The following PCDHGB1 variants were observed in gnomAD, a reference collection of about 807,000 sequenced individuals.
The protein encoded by PCDHGB1 is protocadherin gamma-B1.
PCDHGB1 carries 34 observed loss-of-function variants against 56.6 expected under a neutral mutation model. That is an observed-to-expected ratio of 0.60 (90% CI 0.46 to 0.80). The LOEUF is 0.80. PCDHGB1 is among the 30% of genes least tolerant of loss of function. The pLI is 0.00. For synonymous variants in PCDHGB1, 561 were observed against 505.9 expected, an observed-to-expected ratio of 1.11 and a Z score of -1.46; for missense variants, 1,278 against 1,204.6, an observed-to-expected ratio of 1.06 and a Z score of -0.90.
intron 1 of PCDHGB1, chr5:141,400,586 A>G (rs963844263): frequency 6.2e-7 from 1 of 1,607,730 alleles, no homozygotes; most frequent in Non-Finnish European, 8.5e-7. Context: ...TTTACATGAA[A>G]CTATCGTACA....
rs563283218 is a variant in PCDHGB1, at chr5:141,431,573, G to A, written c.2410-63234G>A. On this transcript the variant is annotated intron_variant, in intron 1 of 3. Coordinates refer to ENST00000523390, the MANE Select transcript of PCDHGB1 (RefSeq NM_018922.3). This position sits in a 1 kb window ranked among gnomAD's most constrained non-coding sequence, Gnocchi z 4.8. ...AGTCAACGCTACCGACCCTGACGAA[G>A]GAGTCAATGCGGAAGTGAGGTATTC... 5.6e-6 allele frequency: 9 copies of A among 1,614,186 alleles called. No homozygotes were observed. The South Asian group carries it at 8.8e-5, about 16-fold the overall frequency.
At chr5:141,379,475 T>C (rs192049867) in intron 1 of PCDHGB1, 35 of 152,390 alleles carry the variant, frequency 2.3e-4, no homozygotes, top group African/African-American at 8.2e-4. Flanking sequence ...GTGTGAATGT[T>C]ATTTTACTAT....
Position 141,477,102 on chromosome 5 carries a change from C to T in PCDHGB1, c.2410-17705C>T. 2.5e-6 allele frequency: 4 copies of T among 1,614,232 alleles called. No homozygotes were observed. The South Asian group carries it at 4.4e-5, about 18-fold the overall frequency. On this transcript the variant is annotated intron_variant, in intron 1 of 3. Coordinates refer to ENST00000523390, the MANE Select transcript of PCDHGB1 (RefSeq NM_018922.3). This position sits in a 1 kb window ranked among gnomAD's most constrained non-coding sequence, Gnocchi z 4.9. Reference sequence around the variant, plus strand: ...TACATCCAGGCCAAAGACAAGGGCGCCAATCCCGAAGGAGCACATTGCAAA... The same window carrying T: ...TACATCCAGGCCAAAGACAAGGGCGTCAATCCCGAAGGAGCACATTGCAAA...
At chr5:141,392,956 T>A (rs769377200) in intron 1 of PCDHGB1, 3 of 1,613,820 alleles carry the variant, frequency 1.9e-6, no homozygotes, top group South Asian at 1.1e-5. Context: ...GTGGGTAATA[T>A]CTCCAAGGAC....
At chr5:141,422,333 T>C in intron 1 of PCDHGB1, 1 of 1,549,594 alleles carries the variant, frequency 6.5e-7, no homozygotes, top group Non-Finnish European at 8.7e-7. Flanking sequence ...GTGATTGCTC[T>C]TCTAAATGTG....
intron 1 of PCDHGB1, chr5:141,421,172 G>A: frequency 7.3e-7 from 1 of 1,366,164 alleles, no homozygotes; most frequent in Non-Finnish European, 9.8e-7. Context: ...AGATACATAA[G>A]CCGATTCACA....
intron 1 of PCDHGB1, among the ~76,000 whole-genome samples, chr5:141,454,773 G>A (rs1272535268): frequency 6.9e-6 from 1 of 144,540 alleles, no homozygotes; most frequent in East Asian, 2.0e-4. Flanking sequence ...TTTTTTACAA[G>A]GAAATAATCC....
chr5:141,388,434 G>A (rs767784412), intron 1 of PCDHGB1: 3 of 1,613,878 alleles, frequency 1.9e-6, no homozygotes, highest in Non-Finnish European at 2.5e-6. Flanking sequence ...GATAAATAAA[G>A]AGAAATCAGA....
chr5:141,372,044 G>T (rs758767680), intron 1 of PCDHGB1: 2 of 1,613,384 alleles, frequency 1.2e-6, no homozygotes, highest in Non-Finnish European at 1.7e-6. Context: ...GCCTGCGCGT[G>T]TTGGTGGACG....
At chr5:141,423,742 A>C in intron 1 of PCDHGB1, 1 of 514,328 alleles carries the variant, frequency 1.9e-6, no homozygotes, top group Non-Finnish European at 2.4e-6. Context: ...CCTGTTATGA[A>C]AACTGTTTGG....
At position 141,431,968 on chromosome 5, in the gene PCDHGB1, T is replaced by A. The variant is rs571981127; in HGVS notation, c.2410-62839T>A. On this transcript the variant is annotated intron_variant, in intron 1 of 3. Coordinates refer to ENST00000523390, the MANE Select transcript of PCDHGB1 (RefSeq NM_018922.3). The surrounding 1 kb of genome is among the most constrained non-coding windows in gnomAD (Gnocchi z 4.8). Reference sequence around the variant, plus strand: ...AAAAATCTTACGGAAATTACTATAGTTTAGTCACAGACATAGTCTTGGATA... The same window carrying A: ...AAAAATCTTACGGAAATTACTATAGATTAGTCACAGACATAGTCTTGGATA... 1.9e-6 allele frequency: 3 copies of A among 1,614,072 alleles called. No individual in the cohort carries two copies. Among genetic ancestry groups the A allele is most frequent in the Non-Finnish European group, 2.5e-6 (3 of 1,180,014 alleles).
chr5:141,420,065 G>T, intron 1 of PCDHGB1: 1 of 1,614,018 alleles, frequency 6.2e-7, no homozygotes, highest in East Asian at 2.2e-5. Flanking sequence ...CTCCAAGTCC[G>T]GACCTGTGGG....
Position 141,428,104 on chromosome 5 carries a change from T to C in PCDHGB1, c.2410-66703T>C, listed in dbSNP as rs751953406. ...AACGCTTGGCTGTCCTACCACGTGCTGCAGGCCATCGAGCCCGGGCTTTTC... is the reference window on the plus strand; with the variant it reads ...AACGCTTGGCTGTCCTACCACGTGCCGCAGGCCATCGAGCCCGGGCTTTTC... On this transcript the variant is annotated intron_variant, in intron 1 of 3. Coordinates refer to ENST00000523390, the MANE Select transcript of PCDHGB1 (RefSeq NM_018922.3). The C allele has an allele frequency of 1.9e-6, 3 of 1,608,398 alleles. No individual in the cohort carries two copies. The South Asian group carries it at 3.3e-5, about 18-fold the overall frequency.
intron 1 of PCDHGB1, among the ~76,000 whole-genome samples, chr5:141,488,635 C>T (rs1476156734): frequency 6.6e-6 from 1 of 152,152 alleles, no homozygotes; most frequent in Non-Finnish European, 1.5e-5. Flanking sequence ...ACCTTAGCAG[C>T]ATTCAGCAGG....
chr5:141,374,519 G>C (rs769907625), intron 1 of PCDHGB1: 94 of 1,612,334 alleles, frequency 5.8e-5, no homozygotes, highest in Non-Finnish European at 7.8e-5. Flanking sequence ...TCTCGAAAAC[G>C]CAGCTCCATC....
intron 1 of PCDHGB1, chr5:141,428,502 G>T: frequency 7.1e-6 from 2 of 282,686 alleles, no homozygotes; most frequent in Non-Finnish European, 6.9e-6. Flanking sequence ...ATGTTCCCTC[G>T]GATTCTAGAA....
At chr5:141,415,762 T>G (rs1561760360) in intron 1 of PCDHGB1, 16 of 1,399,878 alleles carry the variant, frequency 1.1e-5, no homozygotes, top group East Asian at 5.3e-5. Flanking sequence ...TTTTTTTTTT[T>G]TTTTTTTTTT....
At chr5:141,366,181 T>C (rs1310080502) in intron 1 of PCDHGB1, 4 of 1,613,836 alleles carry the variant, frequency 2.5e-6, no homozygotes, top group African/African-American at 1.3e-5. Context: ...CAGGACTCTT[T>C]GCGGTTGGGC....
Position 141,476,437 on chromosome 5 carries a change from TCTGGAGTTGGTAGTGGAGAACCC to T in PCDHGB1, c.2410-18369_2410-18347del. ...GGACACTGCCCTCTTGCACTGTAAC[TCTGGAGTTGGTAGTGGAGAACCC>T]GCTGGAGCTGTTCAGCGTGGAAGTG... On this transcript the variant is annotated intron_variant, in intron 1 of 3. Transcript: ENST00000523390. The surrounding 1 kb of genome is among the most constrained non-coding windows in gnomAD (Gnocchi z 7.6). 1 of 1,614,004 alleles carries T rather than the reference TCTGGAGTTGGTAGTGGAGAACCC, an allele frequency of 6.2e-7. No individual in the cohort carries two copies. The highest frequency in any genetic ancestry group is 2.2e-5 in the East Asian group (1 of 44,836).
Sources: allele counts gnomAD v4.1 joint callset (sites outside exome capture counted in the v4.1 genomes callset), GRCh38; gene constraint gnomAD v4.1.1; non-coding constraint Gnocchi (gnomAD v3.1); transcripts MANE v1.5; gene names NCBI Gene and HGNC (gene_info 2026-07-23, HGNC 2026-07-21).